ABCD3: variants seen among roughly 807,000 people sequenced by gnomAD.
ABCD3 encodes the protein ATP binding cassette subfamily D member 3.
A neutral mutation model predicts 105.5 loss-of-function variants in ABCD3; 41 were observed. The ratio of observed to expected loss-of-function variants is 0.39; its 90% CI spans 0.30 to 0.50. The LOEUF is 0.50. Among genes scored for constraint, ABCD3 ranks in the 20% least tolerant of loss-of-function variants. The pLI is 0.84. For missense variants in ABCD3, 622 were observed against 806.3 expected (o/e 0.77, Z 2.77); for synonymous variants, 258 against 269.0 (o/e 0.96, Z 0.40).
intron 16 of ABCD3, among the ~76,000 whole-genome samples, chr1:94,495,527 G>T (rs183793347): frequency 6.6e-6 from 1 of 152,156 alleles, no homozygotes; most frequent in African/African-American, 2.4e-5. Context: ...ACCAAATGCC[G>T]TGAAGTAAAG....
At chr1:94,489,306 A>G (rs1649418495) in intron 13 of ABCD3, among the ~76,000 whole-genome samples, 1 of 152,048 alleles carries the variant, frequency 6.6e-6, no homozygotes, top group Non-Finnish European at 1.5e-5. Flanking sequence ...GCATACATTT[A>G]ATAAATGCCT....
At chr1:94,412,482 T>C in the ABCD3 span, among the ~76,000 whole-genome samples, 1 of 152,236 alleles carries the variant, frequency 6.6e-6, no homozygotes. Flanking sequence ...TGCTTCATTC[T>C]TTTAATGAGT....
chr1:94,483,164 T>TA lies in ABCD3; in HGVS notation c.828-4dup, dbSNP rs775299074. On this transcript the variant is annotated splice_polypyrimidine_tract_variant and splice_region_variant and intron_variant, in intron 9 of 22. Transcript: ENST00000370214. ...AAATTAATTGCTAAATTATTTTCTT[T>TA]AATAGTGAAGAAATTGCCTTTTACA... 1.3e-6 allele frequency: 2 copies of TA among 1,580,418 alleles called. No homozygotes were observed. Among genetic ancestry groups the TA allele is most frequent in the East Asian group, 4.5e-5 (2 of 44,554 alleles).
In ABCD3 at chr1:94,489,814, A is replaced by C; in HGVS notation, c.1247A>C (p.Lys416Thr). Residue 416 changes from lysine to threonine, a missense_variant and splice_region_variant, in exon 14 of 23, where the codon AAG (lysine) becomes ACG (threonine). By Grantham distance (78) the Lys-to-Thr change is moderately conservative. This residue lies in a region of ABCD3 where 285 missense variants were observed against 352.5 expected (regional missense o/e 0.81). Transcript: ENST00000370214. The stretch of plus-strand genomic sequence containing the variant: ...CGCACAATGGTCTCACAACAGGAAA[A>C]GGGTAAATATGAGTGTCACAGTTTA... ...YERTMVSQQE[K>T]GIEGVQVIPL... The C allele has an allele frequency of 6.2e-7, 1 of 1,612,990 alleles. No individual in the cohort carries two copies. Among genetic ancestry groups the C allele is most frequent in the Non-Finnish European group, 8.5e-7 (1 of 1,179,188 alleles).
intron 1 of ABCD3, among the ~76,000 whole-genome samples, chr1:94,420,135 A>G (rs1027097832): frequency 1.1e-4 from 16 of 152,312 alleles, no homozygotes; most frequent in African/African-American, 3.8e-4. Flanking sequence ...ATAGTATCAC[A>G]TACATGCCAC....
At chr1:94,414,273 A>G (rs1210872854), upstream of ABCD3, among the ~76,000 whole-genome samples, 1 of 152,156 alleles carries the variant, frequency 6.6e-6, no homozygotes, top group Non-Finnish European at 1.5e-5. Context: ...TGTGTCTCCG[A>G]CCTTGGGTAA....
the ABCD3 span, among the ~76,000 whole-genome samples, chr1:94,407,172 C>A: frequency 6.6e-6 from 1 of 151,986 alleles, no homozygotes; most frequent in East Asian, 1.9e-4. Context: ...GTTTTTGAGA[C>A]GGAGTTTTGC....
chr1:94,395,484 A>C, the ABCD3 span, among the ~76,000 whole-genome samples: 28 of 152,176 alleles, frequency 1.8e-4, no homozygotes, highest in Non-Finnish European at 3.5e-4. Context: ...GGCCTTTGGC[A>C]TAGGAATGCA....
chr1:94,488,799 C>CT (rs1405861803), intron 13 of ABCD3, among the ~76,000 whole-genome samples: 7 of 146,898 alleles, frequency 4.8e-5, no homozygotes, highest in Admixed American at 4.2e-4. Context: ...GCTTCTGTTC[C>CT]TTTAGGGTGT....
the ABCD3 span, among the ~76,000 whole-genome samples, chr1:94,412,834 A>G: frequency 6.6e-6 from 1 of 152,222 alleles, no homozygotes; most frequent in Non-Finnish European, 1.5e-5. Flanking sequence ...TTGTATCTCT[A>G]TGATAAGAGT....
At chr1:94,447,954 A>C (rs749916991) in intron 1 of ABCD3, among the ~76,000 whole-genome samples, 3 of 152,212 alleles carry the variant, frequency 2.0e-5, no homozygotes, top group Non-Finnish European at 4.4e-5. Flanking sequence ...AGGAGATCCT[A>C]GTCTCACTAG....
the ABCD3 span, among the ~76,000 whole-genome samples, chr1:94,404,937 C>T: frequency 4.6e-5 from 6 of 131,678 alleles, no homozygotes; most frequent in Non-Finnish European, 7.9e-5. Flanking sequence ...AGACCCATCT[C>T]GAAAAAAAAA....
chr1:94,471,315 T>C (rs1192572268), intron 4 of ABCD3, among the ~76,000 whole-genome samples: 1 of 151,998 alleles, frequency 6.6e-6, no homozygotes, highest in African/African-American at 2.4e-5. Flanking sequence ...CCCAACACTT[T>C]GGGAAGTTGA....
chr1:94,392,987 C>T, the ABCD3 span, among the ~76,000 whole-genome samples: 1 of 151,986 alleles, frequency 6.6e-6, no homozygotes, highest in Non-Finnish European at 1.5e-5. Flanking sequence ...TGGCGCGCAC[C>T]TGTAATCCCA....
intron 1 of ABCD3, among the ~76,000 whole-genome samples, chr1:94,438,374 T>G (rs956993350): frequency 1.3e-5 from 2 of 151,286 alleles, no homozygotes; most frequent in Non-Finnish European, 2.9e-5. Flanking sequence ...TTGCCTCTTA[T>G]GCATGAGCAA....
chr1:94,505,463 A>G (rs337596), intron 20 of ABCD3, among the ~76,000 whole-genome samples: 146,423 of 151,718 alleles, frequency 0.97, 70,748 homozygotes, highest in African/African-American at 0.99. Context: ...TGGCTCCTGC[A>G]ACAACCTCAC....
At position 94,423,625 on chromosome 1, in the gene ABCD3, G is replaced by A. The variant is rs374034761; in HGVS notation, c.110+5037G>A. Among the ~76,000 whole-genome samples the A allele has an allele frequency of 7.9e-5, 12 of 152,314 alleles. No individual in the cohort carries two copies. In the East Asian group the frequency reaches 1.9e-3, roughly 24 times the overall value. On this transcript the variant is annotated intron_variant, in intron 1 of 22. Coordinates refer to ENST00000370214, the MANE Select transcript of ABCD3 (RefSeq NM_002858.4). ...GTAGGGCTTTATTGAAAATTTGGGA[G>A]GAGTGGTAGGGATTATATCCCAGCA...
intron 1 of ABCD3, among the ~76,000 whole-genome samples, chr1:94,428,612 G>A (rs922006155): frequency 6.6e-6 from 1 of 152,126 alleles, no homozygotes; most frequent in Non-Finnish European, 1.5e-5. Flanking sequence ...TGCTGTTCTC[G>A]TGATAGTGAA....
chr1:94,431,714 C>T (rs1659689758), intron 1 of ABCD3, among the ~76,000 whole-genome samples: 1 of 152,146 alleles, frequency 6.6e-6, no homozygotes, highest in South Asian at 2.1e-4. Flanking sequence ...GTGTGCACCA[C>T]CATGCCTGGC....
Sources: gnomAD v4.1 joint callset for allele counts (sites outside exome capture counted in the v4.1 genomes callset) on GRCh38, gnomAD v4.1.1 for gene constraint, gnomAD v4.1.1 regional missense constraint, MANE v1.5 for transcripts, NCBI Gene and HGNC (gene_info 2026-07-23, HGNC 2026-07-21) for gene names.